CTNNA3: variants seen among roughly 807,000 people sequenced by gnomAD.
CTNNA3 encodes catenin alpha 3.
A neutral mutation model predicts 95.7 loss-of-function variants in CTNNA3; 76 were observed. The ratio of observed to expected loss-of-function variants is 0.79; its 90% CI spans 0.66 to 0.96. The LOEUF is 0.96. Ranked by LOEUF, CTNNA3 falls within the 40% of genes least tolerant of loss-of-function variation. The probability of loss-of-function intolerance (pLI) is 0.00; values close to 1 mark genes in which losing one functional copy is unlikely to be tolerated. For synonymous variants in CTNNA3, 431 were observed against 374.4 expected, an observed-to-expected ratio of 1.15 and a Z score of -1.74; for missense variants, 1,191 against 1,089.8, an observed-to-expected ratio of 1.09 and a Z score of -1.31.
intron 5 of CTNNA3, among the ~76,000 whole-genome samples, chr10:67,505,573 A>G (rs1839404224): frequency 6.6e-6 from 1 of 152,234 alleles, no homozygotes; most frequent in Non-Finnish European, 1.5e-5. Flanking sequence ...TTAAGCAAAC[A>G]GTAAGGTTAA....
chr10:67,637,246 C>A (rs1839350307), intron 2 of CTNNA3, among the ~76,000 whole-genome samples: 1 of 152,084 alleles, frequency 6.6e-6, no homozygotes. Flanking sequence ...ATTCGATCAA[C>A]TGGAAGAAAG....
At chr10:67,198,400 G>T (rs943770408) in intron 6 of CTNNA3, among the ~76,000 whole-genome samples, 1 of 152,078 alleles carries the variant, frequency 6.6e-6, no homozygotes, top group Non-Finnish European at 1.5e-5. Flanking sequence ...AGTTGAGAAT[G>T]AGTTAGACTA....
chr10:65,960,415 C>T (rs2077819268), intron 17 of CTNNA3, among the ~76,000 whole-genome samples: 1 of 152,046 alleles, frequency 6.6e-6, no homozygotes, highest in African/African-American at 2.4e-5. Flanking sequence ...GTCCCACCTA[C>T]TCGGTAGGCT....
At chr10:65,993,601 C>G (rs1388561908) in intron 15 of CTNNA3, among the ~76,000 whole-genome samples, 1 of 152,120 alleles carries the variant, frequency 6.6e-6, no homozygotes, top group East Asian at 1.9e-4. Context: ...CACCAAATAT[C>G]TTTTTCAATC....
chr10:66,495,235 T>C (rs1840061461), intron 11 of CTNNA3, among the ~76,000 whole-genome samples: 1 of 152,198 alleles, frequency 6.6e-6, no homozygotes, highest in Non-Finnish European at 1.5e-5. Context: ...CAGAGTTCTT[T>C]ATACATCCCA....
At chr10:67,529,835 C>A (rs976156474) in intron 4 of CTNNA3, among the ~76,000 whole-genome samples, 1 of 152,086 alleles carries the variant, frequency 6.6e-6, no homozygotes, top group South Asian at 2.1e-4. Flanking sequence ...CCACCCAAAT[C>A]TCATCTTGAA....
At chr10:67,670,104 A>G (rs1840403478) in intron 1 of CTNNA3, among the ~76,000 whole-genome samples, 1 of 152,280 alleles carries the variant, frequency 6.6e-6, no homozygotes, top group South Asian at 2.1e-4. Context: ...AAAAATAGAA[A>G]CCTCTGTGTC....
At chr10:66,884,336 C>T (rs777871549) in intron 7 of CTNNA3, among the ~76,000 whole-genome samples, 1 of 152,000 alleles carries the variant, frequency 6.6e-6, no homozygotes, top group Non-Finnish European at 1.5e-5. Context: ...AATTTTCTTC[C>T]GTGTGTGTGT....
chr10:67,050,100 C>T (rs2133180807), intron 7 of CTNNA3, among the ~76,000 whole-genome samples: 1 of 152,308 alleles, frequency 6.6e-6, no homozygotes, highest in East Asian at 1.9e-4. Context: ...TATACATTTC[C>T]TTCCTCTGAT....
intron 5 of CTNNA3, among the ~76,000 whole-genome samples, chr10:67,515,062 T>C (rs1839769431): frequency 6.6e-6 from 1 of 152,208 alleles, no homozygotes; most frequent in Non-Finnish European, 1.5e-5. Context: ...GACACTTAGT[T>C]ATCATGACCA....
chr10:66,199,806 T>TATATGTATATATATATATA (rs1554887153), intron 13 of CTNNA3, among the ~76,000 whole-genome samples: 1 of 9,040 alleles, frequency 1.1e-4, no homozygotes, highest in Non-Finnish European at 1.8e-4. Context: ...TATATATATA[T>TATATGTATATATATATATA]TTTTTTTTTT....
chr10:66,553,517 CTTTTTTTTTT>C (rs753973882), intron 10 of CTNNA3, among the ~76,000 whole-genome samples: 25 of 52,224 alleles, frequency 4.8e-4, no homozygotes, highest in South Asian at 1.0e-3. Flanking sequence ...CAATACTTTT[CTTTTTTTTTT>C]TTTTTTTTTT....
At chr10:66,459,764 A>G (rs1216972007) in intron 11 of CTNNA3, among the ~76,000 whole-genome samples, 1 of 152,174 alleles carries the variant, frequency 6.6e-6, no homozygotes, top group African/African-American at 2.4e-5. Flanking sequence ...TATGCATTTA[A>G]ACATATGAAA....
At chr10:66,770,799 T>C (rs10997377) in intron 8 of CTNNA3, among the ~76,000 whole-genome samples, 129,227 of 151,996 alleles carry the variant, frequency 0.85, 55,224 homozygotes, top group East Asian at 1. Flanking sequence ...AACAGAAAAA[T>C]ACATTTAGAC....
intron 13 of CTNNA3, among the ~76,000 whole-genome samples, chr10:66,144,929 C>T (rs1386312615): frequency 6.6e-6 from 1 of 152,116 alleles, no homozygotes; most frequent in African/African-American, 2.4e-5. Flanking sequence ...TTAGGGAACT[C>T]TATAACTAGT....
intron 5 of CTNNA3, among the ~76,000 whole-genome samples, chr10:67,383,080 G>A (rs1355129687): frequency 2.0e-5 from 3 of 151,960 alleles, no homozygotes; most frequent in Admixed American, 6.6e-5. Flanking sequence ...TCAAAGGCAT[G>A]ACTTAATGTA....
intron 7 of CTNNA3, among the ~76,000 whole-genome samples, chr10:66,811,843 G>T (rs1841892695): frequency 6.6e-6 from 1 of 152,152 alleles, no homozygotes; most frequent in African/African-American, 2.4e-5. Context: ...TTCTGAATCA[G>T]ATTGCCTGTT....
At position 66,414,674 on chromosome 10, in the gene CTNNA3, G is replaced by C. The variant is rs145360327; in HGVS notation, c.1532-35322C>G. On this transcript the variant is annotated intron_variant, in intron 11 of 17. Coordinates refer to ENST00000433211, the MANE Select transcript of CTNNA3 (RefSeq NM_013266.4). ...CTTTGCCTGCAACAGACTGCACACT[G>C]TCCTGGAACCCAGGAATGCTGAGGC... Among the ~76,000 whole-genome samples the C allele has an allele frequency of 3.7e-3, 556 of 152,246 alleles. 1 individual carries two copies. The highest frequency in any genetic ancestry group is 0.013 in the African/African-American group (533 of 41,552).
intron 13 of CTNNA3, among the ~76,000 whole-genome samples, chr10:66,127,696 C>T (rs941901108): frequency 2.6e-5 from 4 of 152,120 alleles, no homozygotes; most frequent in African/African-American, 9.7e-5. Flanking sequence ...TTACAATGTG[C>T]ACTTATTAAT....
Sources: gnomAD v4.1 joint callset for allele counts (sites outside exome capture counted in the v4.1 genomes callset) on GRCh38, gnomAD v4.1.1 for gene constraint, MANE v1.5 for transcripts, NCBI Gene and HGNC (gene_info 2026-07-23, HGNC 2026-07-21) for gene names.